Variants in WWOX observed in about 807,000 individuals in gnomAD.
The protein encoded by WWOX is WW domain-containing oxidoreductase.
In WWOX, 69 loss-of-function variants were observed where a neutral mutation model predicts 46.2. That is an observed-to-expected ratio of 1.49 (90% CI 1.23 to 1.82). The LOEUF is 1.82. Ranked by LOEUF, WWOX falls within the 40% of genes most tolerant of loss-of-function variation. The probability of loss-of-function intolerance (pLI) is 0.00; values close to 1 mark genes in which losing one functional copy is unlikely to be tolerated. For missense variants in WWOX, 919 were observed against 542.6 expected, an observed-to-expected ratio of 1.69 and a Z score of -6.89; for synonymous variants, 359 against 202.6, an observed-to-expected ratio of 1.77 and a Z score of -6.56.
intron 8 of WWOX, among the ~76,000 whole-genome samples, chr16:78,883,062 G>A (rs538662643): frequency 5.9e-5 from 9 of 152,144 alleles, no homozygotes; most frequent in Non-Finnish European, 1.2e-4. Flanking sequence ...TTAGCGGTTC[G>A]CCTTTCATTT....
intron 4 of WWOX, among the ~76,000 whole-genome samples, chr16:78,129,345 T>C (rs780704948): frequency 2.6e-5 from 4 of 152,200 alleles, no homozygotes; most frequent in Admixed American, 6.5e-5. Context: ...GGTGTATTAA[T>C]GTCCTGTTGC....
chr16:78,870,625 G>A (rs945400066), intron 8 of WWOX, among the ~76,000 whole-genome samples: 33 of 151,770 alleles, frequency 2.2e-4, no homozygotes, highest in Admixed American at 8.5e-4. Context: ...TTTTGGAGAC[G>A]GAATCTCACT....
In WWOX at chr16:78,523,041, C is replaced by T. The variant is rs150057714; in HGVS notation, c.1056+90289C>T. 9.0e-3 allele frequency among the ~76,000 whole-genome samples: 1,371 copies of T among 152,242 alleles called. 19 individuals carry two copies. Among genetic ancestry groups the T allele is most frequent in the African/African-American group, 0.028 (1,180 of 41,558 alleles). ...GAGCTGAGATCGTGCCACTGCCCTCCAGTCTGGGTGACAGAGTGAAACCCA... is the reference window on the plus strand; with the variant it reads ...GAGCTGAGATCGTGCCACTGCCCTCTAGTCTGGGTGACAGAGTGAAACCCA... On this transcript the variant is annotated intron_variant, in intron 8 of 8. Coordinates refer to ENST00000566780, the MANE Select transcript of WWOX (RefSeq NM_016373.4).
At chr16:78,231,936 T>C (rs573888888) in intron 5 of WWOX, among the ~76,000 whole-genome samples, 58 of 152,302 alleles carry the variant, frequency 3.8e-4, no homozygotes, top group Admixed American at 9.8e-4. Flanking sequence ...TCAGTGTTTT[T>C]ATTTAATCAT....
intron 8 of WWOX, among the ~76,000 whole-genome samples, chr16:79,063,484 C>G (rs1410955393): frequency 1.3e-5 from 2 of 152,116 alleles, no homozygotes; most frequent in African/African-American, 2.4e-5. Context: ...AACTACAAAA[C>G]AAAAGCAAGA....
At chr16:78,538,084 G>C (rs1323622043) in intron 8 of WWOX, among the ~76,000 whole-genome samples, 1 of 152,022 alleles carries the variant, frequency 6.6e-6, no homozygotes, top group Non-Finnish European at 1.5e-5. Flanking sequence ...GGCACAGAAG[G>C]GGGTAATTAT....
intron 6 of WWOX, among the ~76,000 whole-genome samples, chr16:78,423,496 T>A (rs2083000670): frequency 6.6e-6 from 1 of 152,138 alleles, no homozygotes; most frequent in South Asian, 2.1e-4. Flanking sequence ...ACAGTATGAT[T>A]TTTCACAAGT....
At chr16:78,802,688 G>C (rs939689436) in intron 8 of WWOX, among the ~76,000 whole-genome samples, 2 of 151,746 alleles carry the variant, frequency 1.3e-5, no homozygotes, top group African/African-American at 4.8e-5. Context: ...GGCCAAGGCA[G>C]GCAGATTACT....
At chr16:78,146,410 C>T (rs1019842351) in intron 4 of WWOX, among the ~76,000 whole-genome samples, 2 of 152,086 alleles carry the variant, frequency 1.3e-5, no homozygotes, top group African/African-American at 2.4e-5. Context: ...GAAGCAGCAG[C>T]GGGGTGAGGG....
chr16:78,233,801 A>T (rs2037349597), intron 5 of WWOX, among the ~76,000 whole-genome samples: 1 of 152,160 alleles, frequency 6.6e-6, no homozygotes, highest in African/African-American at 2.4e-5. Context: ...TGCTAGGATT[A>T]CAGGCGTGAG....
At chr16:78,134,591 T>C (rs1471814642) in intron 4 of WWOX, among the ~76,000 whole-genome samples, 2 of 152,180 alleles carry the variant, frequency 1.3e-5, no homozygotes, top group African/African-American at 2.4e-5. Flanking sequence ...ATATCTGCCA[T>C]TATAGTATTT....
intron 8 of WWOX, among the ~76,000 whole-genome samples, chr16:78,810,410 G>A (rs186992242): frequency 1.2e-4 from 19 of 152,248 alleles, no homozygotes; most frequent in East Asian, 3.9e-4. Context: ...GAATGACAGC[G>A]TATTGGCAGT....
chr16:78,835,929 G>T (rs1455796252), intron 8 of WWOX, among the ~76,000 whole-genome samples: 1 of 152,116 alleles, frequency 6.6e-6, no homozygotes, highest in African/African-American at 2.4e-5. Context: ...ATATATTTGA[G>T]ACTAACAACA....
chr16:79,040,150 C>G (rs1183381171), intron 8 of WWOX, among the ~76,000 whole-genome samples: 1 of 152,070 alleles, frequency 6.6e-6, no homozygotes, highest in Non-Finnish European at 1.5e-5. Context: ...TGGAATGGAT[C>G]CTGGCATAAA....
chr16:78,768,695 TTTGTC>T (rs755551915), intron 8 of WWOX, among the ~76,000 whole-genome samples: 7 of 152,146 alleles, frequency 4.6e-5, no homozygotes, highest in Non-Finnish European at 8.8e-5. Context: ...GGGAGTGTAG[TTTGTC>T]ACTCTAATTG....
intron 5 of WWOX, among the ~76,000 whole-genome samples, chr16:78,332,103 A>G (rs1298105115): frequency 1.3e-5 from 2 of 152,102 alleles, no homozygotes; most frequent in African/African-American, 4.8e-5. Flanking sequence ...ATGAAAGACA[A>G]CTTAGGTTTG....
chr16:78,623,830 G>T (rs2738570), intron 8 of WWOX, among the ~76,000 whole-genome samples: 67,960 of 151,890 alleles, frequency 0.45, 16,885 homozygotes, highest in Middle Eastern at 0.58. Flanking sequence ...ATACATTACT[G>T]GGATTCATAC....
At chr16:78,913,718 A>T (rs537168141) in intron 8 of WWOX, among the ~76,000 whole-genome samples, 20 of 151,532 alleles carry the variant, frequency 1.3e-4, no homozygotes, top group East Asian at 9.7e-4. Context: ...CTTGGGTGCA[A>T]TGGTGCCATC....
At chr16:78,306,718 G>C (rs991725297) in intron 5 of WWOX, among the ~76,000 whole-genome samples, 6 of 150,830 alleles carry the variant, frequency 4.0e-5, no homozygotes, top group African/African-American at 9.8e-5. Context: ...TGTGAATTTT[G>C]CTCCTTCCCA....
Sources: allele counts gnomAD v4.1 joint callset (sites outside exome capture counted in the v4.1 genomes callset), GRCh38; gene constraint gnomAD v4.1.1; transcripts MANE v1.5; gene names NCBI Gene and HGNC (gene_info 2026-07-23, HGNC 2026-07-21).